The following ADAM23 variants were observed in gnomAD, a reference collection of about 807,000 sequenced individuals.
ADAM23 encodes the protein ADAM metallopeptidase domain 23, also known as disintegrin and metalloproteinase domain-containing protein 23.
A neutral mutation model predicts 120.1 loss-of-function variants in ADAM23; 33 were observed. That is an observed-to-expected ratio of 0.27 (90% CI 0.21 to 0.37). The LOEUF (loss-of-function observed/expected upper bound fraction) is 0.37. ADAM23 is among the 10% of genes least tolerant of loss of function. The pLI, the probability that ADAM23 is intolerant of heterozygous loss-of-function variation, is 1.00. For missense variants in ADAM23, 862 were observed against 1,058.2 expected, an observed-to-expected ratio of 0.81 and a Z score of 2.57; for synonymous variants, 367 against 375.2, an observed-to-expected ratio of 0.98 and a Z score of 0.25.
chr2:206,500,385 T>A (rs1228562247), intron 3 of ADAM23, among the ~76,000 whole-genome samples: 2 of 152,172 alleles, frequency 1.3e-5, no homozygotes, highest in Non-Finnish European at 2.9e-5. Flanking sequence ...AGCACCAACA[T>A]GCAGGTAGTT....
intron 1 of ADAM23, among the ~76,000 whole-genome samples, chr2:206,444,293 T>A (rs1695029026): frequency 6.6e-6 from 1 of 152,202 alleles, no homozygotes; most frequent in Non-Finnish European, 1.5e-5. Flanking sequence ...AAAAACCCAT[T>A]CCAATTCTTG....
chr2:206,609,865 A>G, intron 24 of ADAM23, 45 bp from the exon 25 acceptor site: 1 of 1,516,676 alleles, frequency 6.6e-7, no homozygotes. Context: ...TGGTAACGAA[A>G]GTGGTTGGTT....
chr2:206,557,991 T>G (rs1465904733), intron 10 of ADAM23, among the ~76,000 whole-genome samples: 1 of 152,184 alleles, frequency 6.6e-6, no homozygotes, highest in Non-Finnish European at 1.5e-5. Flanking sequence ...ATACTTGATT[T>G]CTAGATGATG....
chr2:206,583,834 A>G (rs1698269457), intron 18 of ADAM23, among the ~76,000 whole-genome samples: 1 of 151,442 alleles, frequency 6.6e-6, no homozygotes, highest in Non-Finnish European at 1.5e-5. Context: ...TTTATAACTA[A>G]CCTCCTGAAA....
At chr2:206,465,185 C>T (rs1695519471) in intron 2 of ADAM23, among the ~76,000 whole-genome samples, 1 of 152,114 alleles carries the variant, frequency 6.6e-6, no homozygotes, top group Non-Finnish European at 1.5e-5. Flanking sequence ...ACTGTAGGCT[C>T]ACACCACCAT....
Position 206,612,333 on chromosome 2 carries a change from G to A in ADAM23, c.2450+2333G>A, listed in dbSNP as rs1042808511. Among the ~76,000 whole-genome samples, 8 of 152,128 alleles carry A rather than the reference G, an allele frequency of 5.3e-5. No homozygotes were observed. In the South Asian group the frequency reaches 8.3e-4, roughly 16 times the overall value. ...GAGATTACTAGTCTGGAGATAATTC[G>A]TAAGTATAATTATTTGCTATTTGAA... On this transcript the variant is annotated intron_variant, in intron 25 of 25. Transcript: ENST00000264377.
rs114956804 is a variant in ADAM23, at chr2:206,510,213, G to A, written c.510-20672G>A. Among the ~76,000 whole-genome samples the A allele has an allele frequency of 8.4e-3, 1,276 of 152,108 alleles. 20 individuals carry two copies. Among genetic ancestry groups the A allele is most frequent in the African/African-American group, 0.029 (1,211 of 41,492 alleles). The stretch of plus-strand genomic sequence containing the variant: ...TTCTAATTATGAGCACCTTCTTTTG[G>A]GGCTTAATAAATATTAAATTTAAAA... On this transcript the variant is annotated intron_variant, in intron 3 of 25. Transcript: ENST00000264377.
intron 6 of ADAM23, among the ~76,000 whole-genome samples, chr2:206,543,669 A>G (rs187906667): frequency 4.6e-3 from 700 of 152,304 alleles, no homozygotes; most frequent in Middle Eastern, 0.02. Context: ...ACACACATTT[A>G]TAGCAGCACA....
At chr2:206,491,193 T>G (rs1292868050) in intron 3 of ADAM23, among the ~76,000 whole-genome samples, 2 of 151,890 alleles carry the variant, frequency 1.3e-5, no homozygotes, top group African/African-American at 4.8e-5. Context: ...ATAATTATTG[T>G]GAGTGACTGG....
intron 18 of ADAM23, among the ~76,000 whole-genome samples, chr2:206,579,063 C>A (rs1698173640): frequency 6.6e-6 from 1 of 152,022 alleles, no homozygotes; most frequent in Non-Finnish European, 1.5e-5. Context: ...CTATCCTTAG[C>A]CCACTTTTTG....
intron 23 of ADAM23, 36 bp from the exon 24 acceptor site, chr2:206,596,015 A>C: frequency 1.3e-6 from 2 of 1,503,902 alleles, no homozygotes; most frequent in Non-Finnish European, 1.8e-6. Flanking sequence ...TACAAAATAC[A>C]GTGAAAATGC....
At chr2:206,494,757 G>A (rs1375716633) in intron 3 of ADAM23, among the ~76,000 whole-genome samples, 3 of 152,178 alleles carry the variant, frequency 2.0e-5, no homozygotes, top group Non-Finnish European at 4.4e-5. Context: ...ACAGCCAGAA[G>A]TTTTATAAGC....
intron 2 of ADAM23, among the ~76,000 whole-genome samples, chr2:206,477,897 A>AAAAAATATATATATATATATAT (rs374524658): frequency 2.1e-5 from 2 of 93,602 alleles, no homozygotes; most frequent in African/African-American, 1.0e-4. Context: ...AAAAAAAAAA[A>AAAAAATATATATATATATATAT]ATATATATAT....
intron 3 of ADAM23, among the ~76,000 whole-genome samples, chr2:206,502,303 G>A (rs1270313780): frequency 6.6e-6 from 1 of 152,008 alleles, no homozygotes; most frequent in African/African-American, 2.4e-5. Flanking sequence ...ATAAATAACT[G>A]TAGTTATTTT....
intron 3 of ADAM23, among the ~76,000 whole-genome samples, chr2:206,518,254 A>G (rs1238195908): frequency 6.6e-6 from 1 of 152,218 alleles, no homozygotes; most frequent in Non-Finnish European, 1.5e-5. Context: ...TTCAGGACAT[A>G]TATTTAGAGA....
At chr2:206,509,712 G>A (rs1574504965) in intron 3 of ADAM23, among the ~76,000 whole-genome samples, 1 of 152,248 alleles carries the variant, frequency 6.6e-6, no homozygotes, top group South Asian at 2.1e-4. Flanking sequence ...GCCTCCCAAA[G>A]TGCTGGGATT....
chr2:206,533,825 G>C (rs142322959), intron 4 of ADAM23, among the ~76,000 whole-genome samples: 1 of 152,128 alleles, frequency 6.6e-6, no homozygotes, highest in Non-Finnish European at 1.5e-5. Flanking sequence ...ATAGGAGCTC[G>C]AGAGGTCCAA....
chr2:206,565,164 C>A, intron 14 of ADAM23, 96 bp downstream of exon 14: 2 of 1,023,306 alleles, frequency 2.0e-6, no homozygotes, highest in Non-Finnish European at 3.0e-6. Context: ...GTCTTTTAGG[C>A]TAAGCACAAT....
At chr2:206,589,927 T>C (rs1316438652) in intron 21 of ADAM23, among the ~76,000 whole-genome samples, 1 of 152,200 alleles carries the variant, frequency 6.6e-6, no homozygotes, top group East Asian at 1.9e-4. Context: ...ACGTGAAATC[T>C]TACTGTGTTT....
Sources: allele counts gnomAD v4.1 joint callset (sites outside exome capture counted in the v4.1 genomes callset), GRCh38; gene constraint gnomAD v4.1.1; transcripts MANE v1.5; gene names NCBI Gene and HGNC (gene_info 2026-07-23, HGNC 2026-07-21).